SNX19: variants seen among roughly 807,000 people sequenced by gnomAD.
SNX19 encodes the protein sorting nexin-19.
In SNX19, 60 loss-of-function variants were observed where a neutral mutation model predicts 85.2. The ratio of observed to expected loss-of-function variants is 0.70; its 90% CI spans 0.57 to 0.87. SNX19 has a LOEUF of 0.87. SNX19 is among the 40% of genes least tolerant of loss of function. The probability of loss-of-function intolerance (pLI) is 0.00; values close to 1 mark genes in which losing one functional copy is unlikely to be tolerated. For missense variants in SNX19, 1,201 were observed against 1,217.8 expected (o/e 0.99, Z 0.21); for synonymous variants, 520 against 470.0 (o/e 1.11, Z -1.38).
At position 130,914,860 on chromosome 11, in the gene SNX19, A is replaced by T; in HGVS notation, c.1080T>A (p.Asn360Lys). Reference sequence around the variant, plus strand: ...CACATAAGAACAGGGGACCTCGAACATTTGGCTGTAGGAAATGAGATGAGT... The same window carrying T: ...CACATAAGAACAGGGGACCTCGAACTTTTGGCTGTAGGAAATGAGATGAGT... Reference protein sequence around the residue: ...GNNSSHFLQPNVRGPLFLCED... With the variant: ...GNNSSHFLQPKVRGPLFLCED... The change falls in exon 1 of 11, where the codon AAT (asparagine) becomes AAA (lysine). Residue 360 changes from asparagine to lysine, a missense_variant. Asn to Lys is a moderately conservative substitution (Grantham distance 94). Transcript: ENST00000265909. 1 of 1,614,144 alleles carries T rather than the reference A, an allele frequency of 6.2e-7. No homozygotes were observed. Among genetic ancestry groups the T allele is most frequent in the Non-Finnish European group, 8.5e-7 (1 of 1,180,020 alleles).
chr11:130,872,534 C>A lies in SNX19; in HGVS notation c.*5888G>T, dbSNP rs936456981. On this transcript the variant is annotated 3_prime_UTR_variant, in exon 11 of 11. Coordinates refer to ENST00000265909, the MANE Select transcript of SNX19 (RefSeq NM_014758.3). ...TATCAGGTAAGTCTTAGGATGTGGA[C>A]ATCATGTTTGGGGCAATGTCTCCCT... Among the ~76,000 whole-genome samples the A allele has an allele frequency of 6.6e-6, 1 of 151,926 alleles. No individual in the cohort carries two copies. The highest frequency in any genetic ancestry group is 2.4e-5 in the African/African-American group (1 of 41,340).
At chr11:130,897,043 G>A (rs1368966161) in intron 8 of SNX19, among the ~76,000 whole-genome samples, 1 of 152,084 alleles carries the variant, frequency 6.6e-6, no homozygotes, top group Non-Finnish European at 1.5e-5. Flanking sequence ...GTTGCGCCTT[G>A]CAGCACAGCA....
chr11:130,908,836 C>T (rs751494561), intron 4 of SNX19, among the ~76,000 whole-genome samples: 6 of 152,192 alleles, frequency 3.9e-5, no homozygotes, highest in East Asian at 1.9e-4. Context: ...AGAAACAGAA[C>T]GAAACATTTA....
At chr11:130,895,746 G>A (rs542081582) in intron 8 of SNX19, among the ~76,000 whole-genome samples, 2 of 152,304 alleles carry the variant, frequency 1.3e-5, no homozygotes, top group Admixed American at 6.5e-5. Flanking sequence ...CAATGCTCAG[G>A]CACACGGCTG....
At position 130,911,459 on chromosome 11, in the gene SNX19, G is replaced by A. The variant is rs1320122834; in HGVS notation, c.1813+174C>T. The stretch of plus-strand genomic sequence containing the variant: ...TGGCAGTAAAGGACTACCTCTGAAA[G>A]AATGTGATTGCTGCTGTCCAGCACT... On this transcript the variant is annotated intron_variant, in intron 2 of 10. Transcript: ENST00000265909. 4 of 1,432,546 alleles carry A rather than the reference G, an allele frequency of 2.8e-6. No homozygotes were observed. The East Asian group carries it at 1.0e-4, about 37-fold the overall frequency. 88.7% of individuals were successfully genotyped at this position (1,432,546 alleles called of 1,614,324 possible). A position where few individuals can be genotyped will look rare whatever the true frequency, so the allele number is the denominator to read the frequency against.
intron 8 of SNX19, among the ~76,000 whole-genome samples, chr11:130,899,008 T>C (rs748496103): frequency 2.6e-5 from 4 of 152,204 alleles, no homozygotes; most frequent in Non-Finnish European, 5.9e-5. Context: ...TTATTAACCC[T>C]GTGATTTTGA....
chr11:130,914,377 TA>T lies in SNX19; in HGVS notation c.1562del (p.Leu521GlnfsTer37), dbSNP rs1434172562. On this transcript the variant is annotated frameshift_variant, in exon 1 of 11. Transcript: ENST00000265909. LOFTEE classifies it high-confidence loss of function. The part of the protein sequence containing the change: ...LSSATFSFEP[L>X]SSPDGPVIIQ... ...TGATAACTGGACCATCGGGACTGCT[TA>T]GGGGCTCAAAGCTGAAGGTGGCTGA... is the stretch of plus-strand genomic sequence containing the variant. 1 of 1,613,606 alleles carries T rather than the reference TA, an allele frequency of 6.2e-7. No homozygotes were observed. Among genetic ancestry groups the T allele is most frequent in the Non-Finnish European group, 8.5e-7 (1 of 1,179,828 alleles).
rs1408349565 is a variant in SNX19 at position 130,915,120 on chromosome 11, G to C, written c.820C>G (p.Pro274Ala). The C allele has an allele frequency of 6.2e-7, 1 of 1,613,836 alleles. No individual in the cohort carries two copies. Among genetic ancestry groups the C allele is most frequent in the African/African-American group, 1.3e-5 (1 of 75,062 alleles). Residue 274 changes from proline to alanine, a missense_variant, in exon 1 of 11, where the codon CCA becomes GCA. By Grantham distance (27) the Pro-to-Ala change is conservative. Around this residue, in one of 3 missense-constraint regions of SNX19, gnomAD observed 791 missense variants for 750.9 expected, o/e 1.05. Transcript: ENST00000265909. The stretch of plus-strand genomic sequence containing the variant: ...GGGGCACTGGCTGGGCAGGGTGCTG[G>C]ATCTCTGGCCTTGGAAAAGATACCC... ...LVGIFSKARDPAPCPASAPEQ... is the reference protein window; with the variant it reads ...LVGIFSKARDAAPCPASAPEQ...
chr11:130,912,829 CGAG>C (rs538331241), intron 1 of SNX19, among the ~76,000 whole-genome samples: 118 of 152,172 alleles, frequency 7.8e-4, no homozygotes, highest in Non-Finnish European at 1.4e-3. Flanking sequence ...TGCTGCTCCT[CGAG>C]GGCCAATTTT....
Position 130,878,364 on chromosome 11 carries a change from T to G in SNX19, c.*58A>C. The G allele has an allele frequency of 1.9e-6, 3 of 1,580,380 alleles. No individual in the cohort carries two copies. Among genetic ancestry groups the G allele is most frequent in the Non-Finnish European group, 2.6e-6 (3 of 1,160,416 alleles). ...AAGAGGGCACGGGCTTCCTGACTGG[T>G]CTCTGGTGGCCGAGTAACTCTACTT... On this transcript the variant is annotated 3_prime_UTR_variant, in exon 11 of 11. Transcript: ENST00000265909.
intron 10 of SNX19, 74 bp downstream of exon 10, chr11:130,879,550 A>G (rs1943504904): frequency 7.5e-7 from 1 of 1,335,528 alleles, no homozygotes; most frequent in African/African-American, 1.5e-5. Flanking sequence ...CTTTTCACTC[A>G]GAAACCTTGG....
chr11:130,894,899 T>TC (rs1400734905), intron 8 of SNX19: 1 of 985,234 alleles, frequency 1.0e-6, no homozygotes, highest in East Asian at 1.1e-4. Context: ...TTATCTCTTA[T>TC]CCCCCCAAAG....
chr11:130,910,156 C>T lies in SNX19; in HGVS notation c.1915-19G>A. The T allele has an allele frequency of 1.2e-6, 2 of 1,614,098 alleles. No homozygotes were observed. The highest frequency in any genetic ancestry group is 1.7e-6 in the Non-Finnish European group (2 of 1,179,990). On this transcript the variant is annotated intron_variant, in intron 3 of 10. Transcript: ENST00000265909. ...AGAGTTGCTGCAAAAGTAAAACACA[C>T]ACACATTTTAAAGAGAAATTCCAGT...
At position 130,877,489 on chromosome 11, in the gene SNX19, A is replaced by G. The variant is rs1943328265; in HGVS notation, c.*933T>C. 1 of 152,294 alleles carries G rather than the reference A, an allele frequency of 6.6e-6. No homozygotes were observed. Among genetic ancestry groups the G allele is most frequent in the Non-Finnish European group, 1.5e-5 (1 of 68,038 alleles). 9.4% of individuals were successfully genotyped at this position (152,294 alleles called of 1,614,324 possible). A position where few individuals can be genotyped will look rare whatever the true frequency, so the allele number is the denominator to read the frequency against. ...CTTAGGAAGGGAGATTTCATCCCCC[A>G]GCCTTGCTAGTCCTACTCTTTGTGC... On this transcript the variant is annotated 3_prime_UTR_variant, in exon 11 of 11. Transcript: ENST00000265909.
Position 130,867,377 on chromosome 11 carries a change from TAAAA to T in SNX19, c.*11041_*11044del, listed in dbSNP as rs1174661955. ...TGGGAAACGCTCTGGGACATGAACA[TAAAA>T]GTGCAACCTAGATGATCAGTGCCAC... On this transcript the variant is annotated 3_prime_UTR_variant, in exon 11 of 11. Coordinates refer to ENST00000265909, the MANE Select transcript of SNX19 (RefSeq NM_014758.3). 1.3e-5 allele frequency: 2 copies of T among 152,166 alleles called. No homozygotes were observed. Among genetic ancestry groups the T allele is most frequent in the Non-Finnish European group, 2.9e-5 (2 of 68,038 alleles). 9.4% of individuals were successfully genotyped at this position (152,166 alleles called of 1,614,324 possible).
In SNX19 at chr11:130,915,465, G is replaced by T. The variant is rs757724570; in HGVS notation, c.475C>A (p.Leu159Met). Residue 159 changes from leucine (L) to methionine (M), a missense_variant, in exon 1 of 11, where the codon CTG becomes ATG. Around this residue, in one of 3 missense-constraint regions of SNX19, gnomAD observed 791 missense variants for 750.9 expected, o/e 1.05. Transcript: ENST00000265909. Reference protein sequence around the residue: ...MDSHAVAQSVLTLCGCHLQSY... With the variant: ...MDSHAVAQSVMTLCGCHLQSY... ...TGCAGGTGACAACCGCAGAGAGTCA[G>T]AACACTCTGGGCAACAGCATGACTG... 4.3e-6 allele frequency: 7 copies of T among 1,614,132 alleles called. No homozygotes were observed. In the South Asian group the frequency reaches 6.6e-5, roughly 15 times the overall value.
intron 8 of SNX19, among the ~76,000 whole-genome samples, chr11:130,885,897 G>C (rs1214032162): frequency 6.6e-6 from 1 of 152,158 alleles, no homozygotes; most frequent in African/African-American, 2.4e-5. Context: ...CTGAGAGCAG[G>C]GTTTTCAACG....
chr11:130,902,640 T>C (rs7130423), intron 8 of SNX19, among the ~76,000 whole-genome samples: 180 of 152,290 alleles, frequency 1.2e-3, no homozygotes, highest in African/African-American at 4.1e-3. Context: ...ATCAGTTCCA[T>C]AGTTAGAAAG....
At chr11:130,889,238 G>GT (rs1333763364) in intron 8 of SNX19, among the ~76,000 whole-genome samples, 3 of 151,826 alleles carry the variant, frequency 2.0e-5, no homozygotes, top group Non-Finnish European at 2.9e-5. Context: ...CCCTCTTTCT[G>GT]TTTTTAAAAT....
Sources: gnomAD v4.1 joint callset for allele counts (sites outside exome capture counted in the v4.1 genomes callset) on GRCh38, gnomAD v4.1.1 for gene constraint, gnomAD v4.1.1 regional missense constraint, MANE v1.5 for transcripts, NCBI Gene and HGNC (gene_info 2026-07-23, HGNC 2026-07-21) for gene names.